DERL3: variants seen among roughly 807,000 people sequenced by gnomAD.
DERL3 encodes derlin-3.
A neutral mutation model predicts 23.8 loss-of-function variants in DERL3; 20 were observed. The observed-to-expected ratio is 0.84, with a 90% CI of 0.59 to 1.22. The LOEUF (loss-of-function observed/expected upper bound fraction) is 1.22. Ranked by LOEUF, DERL3 falls within the 50% of genes most tolerant of loss-of-function variation. The pLI is 0.00. For missense variants in DERL3, 319 were observed against 304.1 expected, an observed-to-expected ratio of 1.05 and a Z score of -0.36; for synonymous variants, 145 against 132.5, an observed-to-expected ratio of 1.09 and a Z score of -0.65.
chr22:23,838,238 G>A, intron 4 of DERL3, 114 bp downstream of exon 4: 3 of 1,550,614 alleles, frequency 1.9e-6, no homozygotes, highest in Non-Finnish European at 2.6e-6. Flanking sequence ...CACATACTAA[G>A]CTGGAGACAG....
At chr22:23,838,467 T>G in intron 3 of DERL3, 22 bp from the exon 4 acceptor site, 1 of 1,588,798 alleles carries the variant, frequency 6.3e-7, no homozygotes, top group African/African-American at 1.3e-5. Flanking sequence ...GTATAGGAAG[T>G]GCCACCAGGC....
chr22:23,836,990 AGGCCAGCACAGGTCCCCAT>A, intron 6 of DERL3, 28 bp from the exon 7 acceptor site: 3 of 1,600,612 alleles, frequency 1.9e-6, no homozygotes, highest in Non-Finnish European at 2.6e-6. Flanking sequence ...TGTTGAGCAC[AGGCCAGCACAGGTCCCCAT>A]CGGTGGGGAT....
At chr22:23,838,872 G>C (rs1021465750) in intron 1 of DERL3, 23 bp downstream of exon 1, 14 of 1,552,226 alleles carry the variant, frequency 9.0e-6, no homozygotes, top group Non-Finnish European at 1.1e-5. Context: ...CCAAGGCGAC[G>C]TCCGGTCCGC....
At chr22:23,837,980 A>G in intron 4 of DERL3, 126 bp from the exon 5 acceptor site, 1 of 1,235,994 alleles carries the variant, frequency 8.1e-7, no homozygotes, top group South Asian at 1.5e-5. Context: ...AAGATGAGCC[A>G]GTCCAATAAA....
Position 23,837,756 on chromosome 22 carries a change from G to A in DERL3, c.426C>T (p.Asn142=), listed in dbSNP as rs748456342. The part of the protein sequence containing the change: ...WSRRSPRVRV[N]FFGLLTFQAP... Reference sequence around the variant, plus strand: ...CCTGGAAAGTGAGCAGGCCGAAGAAGTTGACCCTCACCCGAGGGCTGCGGC... The same window carrying A: ...CCTGGAAAGTGAGCAGGCCGAAGAAATTGACCCTCACCCGAGGGCTGCGGC... The change falls in exon 5 of 7, where the codon AAC becomes AAT. Residue 142 remains asparagine, a synonymous_variant. Transcript: ENST00000318109. 6.2e-7 allele frequency: 1 copy of A among 1,614,076 alleles called. No homozygotes were observed. The highest frequency in any genetic ancestry group is 1.1e-5 in the South Asian group (1 of 91,086).
Position 23,838,420 on chromosome 22 carries a change from C to G in DERL3, c.259G>C (p.Glu87Gln). 1 of 1,608,642 alleles carries G rather than the reference C, an allele frequency of 6.2e-7. No individual in the cohort carries two copies. Among genetic ancestry groups the G allele is most frequent in the Middle Eastern group, 1.7e-4 (1 of 6,052 alleles). ...FVFRYCRMLEEGSFRGRTADF... is the reference protein window; with the variant it reads ...FVFRYCRMLEQGSFRGRTADF... ...GCCGTGCGGCCGCGGAAGGAGCCCTCTTCCAGCATGCGGCAGTAGCGGAAC... is the reference window on the plus strand; with the variant it reads ...GCCGTGCGGCCGCGGAAGGAGCCCTGTTCCAGCATGCGGCAGTAGCGGAAC... The change falls in exon 4 of 7, where the codon GAG (glutamate) becomes CAG (glutamine). Residue 87 changes from glutamate (E) to glutamine (Q), a missense_variant. Transcript: ENST00000318109.
chr22:23,834,632 C>G lies in DERL3; in HGVS notation c.*2237G>C. 1 of 823,090 alleles carries G rather than the reference C, an allele frequency of 1.2e-6. No individual in the cohort carries two copies. The highest frequency in any genetic ancestry group is 1.9e-6 in the Non-Finnish European group (1 of 516,438). 51.0% of individuals were successfully genotyped at this position (823,090 alleles called of 1,614,324 possible). On this transcript the variant is annotated 3_prime_UTR_variant, in exon 7 of 7. Transcript: ENST00000318109. Reference sequence around the variant, plus strand: ...GAACAAGGTTGGCACACAGGCCTCACCCTCCTCTGCCTCAGATTCCCAAGT... The same window carrying G: ...GAACAAGGTTGGCACACAGGCCTCAGCCTCCTCTGCCTCAGATTCCCAAGT...
intron 4 of DERL3, 73 bp from the exon 5 acceptor site, chr22:23,837,927 T>A: frequency 6.9e-7 from 1 of 1,441,512 alleles, no homozygotes; most frequent in Non-Finnish European, 9.3e-7. Context: ...CCCAAGACCC[T>A]GGAATTCTTC....
chr22:23,837,870 G>A lies in DERL3; in HGVS notation c.328-16C>T. Reference sequence around the variant, plus strand: ...GTCCCAGCAGCTGGGCCAGAGTCAAGGTGCTCCGGTGCAGGCCTCAGCCCA... The same window carrying A: ...GTCCCAGCAGCTGGGCCAGAGTCAAAGTGCTCCGGTGCAGGCCTCAGCCCA... On this transcript the variant is annotated splice_polypyrimidine_tract_variant and intron_variant, in intron 4 of 6. Transcript: ENST00000318109. 1 of 1,604,738 alleles carries A rather than the reference G, an allele frequency of 6.2e-7. No homozygotes were observed. The highest frequency in any genetic ancestry group is 8.5e-7 in the Non-Finnish European group (1 of 1,174,816).
rs773487659 is a variant in DERL3, at chr22:23,838,420, C to T, written c.259G>A (p.Glu87Lys). 6.2e-7 allele frequency: 1 copy of T among 1,608,522 alleles called. No individual in the cohort carries two copies. Among genetic ancestry groups the T allele is most frequent in the African/African-American group, 1.3e-5 (1 of 74,694 alleles). Residue 87 changes from glutamate (E) to lysine (K), a missense_variant, in exon 4 of 7, where the codon GAG becomes AAG. Coordinates refer to ENST00000318109, the MANE Select transcript of DERL3 (RefSeq NM_001002862.3). ...GCCGTGCGGCCGCGGAAGGAGCCCT[C>T]TTCCAGCATGCGGCAGTAGCGGAAC... ...FVFRYCRMLEEGSFRGRTADF... is the reference protein window; with the variant it reads ...FVFRYCRMLEKGSFRGRTADF...
chr22:23,834,709 T>TC lies in DERL3; in HGVS notation c.*2159dup, dbSNP rs2030895923. The stretch of plus-strand genomic sequence containing the variant: ...GGGTAGCACCTCAGCTCCTCTCAGC[T>TC]CCCCTCAGCCTGTTCTCCTTCCAGA... On this transcript the variant is annotated 3_prime_UTR_variant, in exon 7 of 7. Coordinates refer to ENST00000318109, the MANE Select transcript of DERL3 (RefSeq NM_001002862.3). The TC allele has an allele frequency of 7.3e-7, 1 of 1,370,154 alleles. No homozygotes were observed. The highest frequency in any genetic ancestry group is 2.4e-5 in the Admixed American group (1 of 40,956). The allele number at this position is 1,370,154 out of a possible 1,614,324, so 84.9% of individuals were successfully genotyped here. A position where few individuals can be genotyped will look rare whatever the true frequency, so the allele number is the denominator to read the frequency against.
chr22:23,837,944 T>G, intron 4 of DERL3, 90 bp from the exon 5 acceptor site: 1 of 1,346,876 alleles, frequency 7.4e-7, no homozygotes, highest in Non-Finnish European at 1.0e-6. Flanking sequence ...CTTCCCCTCA[T>G]CTCCCCTATG....
chr22:23,836,625 A>C lies in DERL3; in HGVS notation c.*244T>G. 8.1e-7 allele frequency: 1 copy of C among 1,227,022 alleles called. No homozygotes were observed. The highest frequency in any genetic ancestry group is 1.0e-6 in the Non-Finnish European group (1 of 987,160). 76.0% of individuals were successfully genotyped at this position (1,227,022 alleles called of 1,614,324 possible). A position where few individuals can be genotyped will look rare whatever the true frequency, so the allele number is the denominator to read the frequency against. ...TTCTTTGCCCTCTGTGGGCACCCCT[A>C]TCCTACCACCTGCAGTTGGGCTGAG... On this transcript the variant is annotated 3_prime_UTR_variant, in exon 7 of 7. Transcript: ENST00000318109.
chr22:23,837,273 G>T (rs2031142842), intron 5 of DERL3, 119 bp from the exon 6 acceptor site: 5 of 1,300,418 alleles, frequency 3.8e-6, no homozygotes, highest in Non-Finnish European at 5.3e-6. Flanking sequence ...CAGCATGAGT[G>T]CCCCAAAGCC....
At chr22:23,838,138 C>T in intron 4 of DERL3, 1 of 1,527,672 alleles carries the variant, frequency 6.5e-7, no homozygotes, top group Non-Finnish European at 8.8e-7. Context: ...GACAACCCAC[C>T]TGGCTCTTTT....
At chr22:23,838,871 C>T (rs1192880450) in intron 1 of DERL3, 24 bp downstream of exon 1, 1 of 1,551,942 alleles carries the variant, frequency 6.4e-7, no homozygotes, top group Non-Finnish European at 8.7e-7. Flanking sequence ...ACCAAGGCGA[C>T]GTCCGGTCCG....
Position 23,838,717 on chromosome 22 carries a change from C to T in DERL3, c.153G>A (p.Lys51=). 1 of 1,550,470 alleles carries T rather than the reference C, an allele frequency of 6.4e-7. No individual in the cohort carries two copies. The highest frequency in any genetic ancestry group is 1.2e-5 in the South Asian group (1 of 83,966). Residue 51 remains lysine, a synonymous_variant, in exon 2 of 7, where the codon AAG becomes AAA. Coordinates refer to ENST00000318109, the MANE Select transcript of DERL3 (RefSeq NM_001002862.3). ...LYFNPHLVFR[K]FQVWRLVTNF... ...CGGCGCGGGGCGGCCTCACCTGGAACTTCCGGAACACAAGGTGCGGGTTGA... is the reference window on the plus strand; with the variant it reads ...CGGCGCGGGGCGGCCTCACCTGGAATTTCCGGAACACAAGGTGCGGGTTGA...
In DERL3 at chr22:23,836,168, C is replaced by G; in HGVS notation, c.*701G>C. 1.0e-6 allele frequency: 1 copy of G among 985,478 alleles called. No individual in the cohort carries two copies. The highest frequency in any genetic ancestry group is 1.2e-6 in the Non-Finnish European group (1 of 829,956). 61.0% of individuals were successfully genotyped at this position (985,478 alleles called of 1,614,324 possible). On this transcript the variant is annotated 3_prime_UTR_variant, in exon 7 of 7. Coordinates refer to ENST00000318109, the MANE Select transcript of DERL3 (RefSeq NM_001002862.3). ...CAGAAGTCCCTGCCTCACCCAGTCT[C>G]AGAACTCTGCTAAGGTGAAAACTTA...
At position 23,837,663 on chromosome 22, in the gene DERL3, C is replaced by G; in HGVS notation, c.519G>C (p.Leu173=). 1 of 1,612,164 alleles carries G rather than the reference C, an allele frequency of 6.2e-7. No individual in the cohort carries two copies. The highest frequency in any genetic ancestry group is 8.5e-7 in the Non-Finnish European group (1 of 1,178,870). ...LLLGNSILVD[L]LGIAVGHIYY... is the part of the protein sequence containing the mutation. ...TAGATGTACCGGGAGGCTCACCCAG[C>G]AGGTCCACGAGGATGGAGTTGCCCA... Residue 173 remains leucine (L), a synonymous_variant, in exon 5 of 7, where the codon CTG becomes CTC. Coordinates refer to ENST00000318109, the MANE Select transcript of DERL3 (RefSeq NM_001002862.3).
Sources: allele counts gnomAD v4.1 joint callset, GRCh38; gene constraint gnomAD v4.1.1; transcripts MANE v1.5; gene names NCBI Gene and HGNC (gene_info 2026-07-23, HGNC 2026-07-21).